The following UTRN variants were observed in gnomAD, a reference collection of about 807,000 sequenced individuals.
UTRN encodes the protein utrophin, also known as dystrophin-related protein 1.
Under a neutral mutation model 463.9 loss-of-function variants are expected in UTRN, and 283 were observed. The ratio of observed to expected loss-of-function variants is 0.61; its 90% confidence interval spans 0.55 to 0.67. UTRN has a LOEUF of 0.67. UTRN is among the 30% of genes least tolerant of loss of function. The pLI is 0.00. For synonymous variants in UTRN, 1,442 were observed against 1,431.5 expected (o/e 1.01, Z -0.17); for missense variants, 3,922 against 4,084.3 (o/e 0.96, Z 1.08).
chr6:144,343,491 C>T (rs891725897), intron 2 of UTRN, among the ~76,000 whole-genome samples: 10 of 151,354 alleles, frequency 6.6e-5, no homozygotes, highest in South Asian at 2.1e-4. Flanking sequence ...ACCCAGGAGG[C>T]GGAGGTTGCA....
intron 46 of UTRN, among the ~76,000 whole-genome samples, chr6:144,546,769 T>A (rs1419480695): frequency 6.6e-6 from 1 of 152,136 alleles, no homozygotes; most frequent in Non-Finnish European, 1.5e-5. Flanking sequence ...TGTTCGTGCC[T>A]CTGCTTCCCA....
chr6:144,432,968 C>T (rs1786027185), intron 9 of UTRN, among the ~76,000 whole-genome samples: 2 of 152,112 alleles, frequency 1.3e-5, no homozygotes, highest in Admixed American at 6.5e-5. Flanking sequence ...CCTGAGTGGA[C>T]ACAGCACATG....
intron 50 of UTRN, among the ~76,000 whole-genome samples, chr6:144,565,913 G>A (rs1800359830): frequency 6.6e-6 from 1 of 151,906 alleles, no homozygotes; most frequent in South Asian, 2.1e-4. Context: ...GGTTAAGAGA[G>A]TCGATTGACT....
intron 43 of UTRN, among the ~76,000 whole-genome samples, chr6:144,536,790 AAC>A (rs1012552465): frequency 7.6e-4 from 115 of 152,178 alleles, no homozygotes; most frequent in African/African-American, 2.6e-3. Flanking sequence ...CCTTTTAAAA[AAC>A]ACATAATCTT....
intron 64 of UTRN, among the ~76,000 whole-genome samples, chr6:144,800,348 A>G (rs1777597184): frequency 6.6e-6 from 1 of 152,204 alleles, no homozygotes; most frequent in African/African-American, 2.4e-5. Flanking sequence ...AATAAGAAAA[A>G]TATGAAAGAG....
chr6:144,754,566 T>G (rs1791774689), intron 56 of UTRN, 154 bp from the exon 57 acceptor site: 1 of 253,464 alleles, frequency 3.9e-6, no homozygotes, highest in Non-Finnish European at 7.3e-6. Flanking sequence ...ATTACTCTGA[T>G]ACCAGAGACA....
At chr6:144,677,287 C>T (rs1020426456) in intron 51 of UTRN, among the ~76,000 whole-genome samples, 1 of 152,050 alleles carries the variant, frequency 6.6e-6, no homozygotes, top group African/African-American at 2.4e-5. Flanking sequence ...CCCCGACATC[C>T]CCCGGTGTGT....
intron 14 of UTRN, among the ~76,000 whole-genome samples, chr6:144,446,919 A>G (rs1054903797): frequency 6.6e-6 from 1 of 152,186 alleles, no homozygotes; most frequent in Non-Finnish European, 1.5e-5. Context: ...GGAGACTTGC[A>G]TAGTTGGATT....
Position 144,555,885 on chromosome 6 carries a change from T to C in UTRN, c.7134+992T>C, listed in dbSNP as rs79336602. ...TGAAGGTTATTTTTATTAATAAGTT[T>C]TTCCAAGACTTTCATTTGAGGACTA... On this transcript the variant is annotated intron_variant, in intron 49 of 74. Coordinates refer to ENST00000367545, the MANE Select transcript of UTRN (RefSeq NM_007124.3). Among the ~76,000 whole-genome samples, 802 of 152,340 alleles carry C rather than the reference T, an allele frequency of 5.3e-3. 6 individuals are homozygous for C. The highest frequency in any genetic ancestry group is 0.01 in the Middle Eastern group (3 of 294).
At chr6:144,318,172 A>G (rs1447615760) in intron 2 of UTRN, among the ~76,000 whole-genome samples, 2 of 152,118 alleles carry the variant, frequency 1.3e-5, no homozygotes, top group Non-Finnish European at 2.9e-5. Flanking sequence ...GTAACTCCCA[A>G]TTCTTCAAAG....
intron 66 of UTRN, among the ~76,000 whole-genome samples, chr6:144,824,607 TATATA>T (rs1562955078): frequency 2.2e-3 from 107 of 48,288 alleles, no homozygotes; most frequent in African/African-American, 4.7e-3. Flanking sequence ...TATATATATA[TATATA>T]TCTTTTTTTT....
intron 58 of UTRN, among the ~76,000 whole-genome samples, chr6:144,760,830 A>T (rs943061805): frequency 1.3e-5 from 2 of 152,198 alleles, no homozygotes; most frequent in African/African-American, 4.8e-5. Flanking sequence ...ATATTCAGGT[A>T]GAAATATTCA....
intron 43 of UTRN, among the ~76,000 whole-genome samples, chr6:144,536,907 CT>C: frequency 6.6e-6 from 1 of 151,910 alleles, no homozygotes; most frequent in Non-Finnish European, 1.5e-5. Context: ...GAGGCAGTTC[CT>C]TTTTTATATT....
rs774667307 is a variant in UTRN at position 144,473,742 on chromosome 6, A to C, written c.3089A>C (p.Lys1030Thr). ...AFEADSTVIE[K>T]WMDGVKDFLM... The stretch of plus-strand genomic sequence containing the variant: ...TAGGCCGATTCAACAGTCATTGAGA[A>C]GTGGATGGATGGCGTGAAAGACTTC... Residue 1030 changes from lysine to threonine, a missense_variant, in exon 24 of 75, where the codon AAG (lysine) becomes ACG (threonine). By Grantham distance (78) the Lys-to-Thr change is moderately conservative. Around this residue, in one of 3 missense-constraint regions of UTRN, gnomAD observed 2,349 missense variants for 2,303.8 expected, o/e 1.02. Transcript: ENST00000367545. 6.2e-7 allele frequency: 1 copy of C among 1,614,130 alleles called. No individual in the cohort carries two copies. Among genetic ancestry groups the C allele is most frequent in the Non-Finnish European group, 8.5e-7 (1 of 1,179,994 alleles).
At chr6:144,424,596 G>C (rs1392566581) in intron 6 of UTRN, among the ~76,000 whole-genome samples, 1 of 152,098 alleles carries the variant, frequency 6.6e-6, no homozygotes, top group Non-Finnish European at 1.5e-5. Context: ...CAATGGAAGA[G>C]GCTGACAAAA....
chr6:144,714,979 G>C (rs1399485574), intron 53 of UTRN, among the ~76,000 whole-genome samples: 1 of 151,798 alleles, frequency 6.6e-6, no homozygotes, highest in Non-Finnish European at 1.5e-5. Flanking sequence ...TCTCTCCCCT[G>C]TCTTCTAAAA....
At chr6:144,525,514 C>T (rs142686466) in intron 41 of UTRN, among the ~76,000 whole-genome samples, 2 of 152,158 alleles carry the variant, frequency 1.3e-5, no homozygotes, top group African/African-American at 4.8e-5. Context: ...ATTTCTATGG[C>T]ATCAGTTGTA....
At chr6:144,596,840 A>G (rs1361809427) in intron 51 of UTRN, among the ~76,000 whole-genome samples, 1 of 152,182 alleles carries the variant, frequency 6.6e-6, no homozygotes, top group Non-Finnish European at 1.5e-5. Context: ...AGATTACTTG[A>G]GCCCTTGCAT....
intron 2 of UTRN, among the ~76,000 whole-genome samples, chr6:144,396,476 A>G (rs534563406): frequency 1.4e-4 from 21 of 152,334 alleles, no homozygotes; most frequent in African/African-American, 5.0e-4. Flanking sequence ...CTGTAGGTGT[A>G]ACTAATGCCA....
Sources: gnomAD v4.1 joint callset for allele counts (sites outside exome capture counted in the v4.1 genomes callset) on GRCh38, gnomAD v4.1.1 for gene constraint, gnomAD v4.1.1 regional missense constraint, MANE v1.5 for transcripts, NCBI Gene and HGNC (gene_info 2026-07-23, HGNC 2026-07-21) for gene names.